Variants in PAX5 observed in about 807,000 individuals in gnomAD.
The protein encoded by PAX5 is paired box 5.
A neutral mutation model predicts 43.7 loss-of-function variants in PAX5; 9 were observed. The ratio of observed to expected loss-of-function variants is 0.21; its 90% CI spans 0.12 to 0.36. The LOEUF (loss-of-function observed/expected upper bound fraction) is 0.36, where lower values mean the gene tolerates loss of function less well. PAX5 is among the 10% of genes least tolerant of loss of function. The pLI, the probability that PAX5 is intolerant of heterozygous loss-of-function variation, is 1.00. For missense variants in PAX5, 383 were observed against 532.7 expected (o/e 0.72, Z 2.77); for synonymous variants, 228 against 214.3 (o/e 1.06, Z -0.56).
chr9:37,025,267 A>G (rs1840225402), intron 1 of PAX5, among the ~76,000 whole-genome samples: 1 of 152,212 alleles, frequency 6.6e-6, no homozygotes, highest in East Asian at 1.9e-4. Flanking sequence ...GGCTGCCTAC[A>G]CAAGCTTTCC....
intron 7 of PAX5, among the ~76,000 whole-genome samples, chr9:36,890,798 GCAC>G (rs1827316583): frequency 6.6e-6 from 1 of 152,140 alleles, no homozygotes; most frequent in Non-Finnish European, 1.5e-5. Flanking sequence ...TAAGCATAAG[GCAC>G]TTACAGAAGG....
intron 6 of PAX5, among the ~76,000 whole-genome samples, chr9:36,961,381 C>T (rs900947779): frequency 5.3e-4 from 80 of 152,336 alleles, no homozygotes; most frequent in African/African-American, 1.8e-3. Context: ...AGCACATCCC[C>T]TTCCCCAGCT....
intron 6 of PAX5, among the ~76,000 whole-genome samples, chr9:36,963,616 G>A (rs564950403): frequency 6.6e-6 from 1 of 152,306 alleles, no homozygotes; most frequent in Non-Finnish European, 1.5e-5. Context: ...ATGTGAGCAG[G>A]TGAGTGAGTG....
At chr9:36,978,938 A>T (rs958963392) in intron 5 of PAX5, among the ~76,000 whole-genome samples, 2 of 152,116 alleles carry the variant, frequency 1.3e-5, no homozygotes, top group Admixed American at 1.3e-4. Flanking sequence ...ATGATCTTCA[A>T]CCTCTATTGA....
chr9:36,895,811 GC>G (rs1415705576), intron 7 of PAX5, among the ~76,000 whole-genome samples: 3 of 152,274 alleles, frequency 2.0e-5, no homozygotes, highest in South Asian at 2.1e-4. Context: ...GTTCCACTGG[GC>G]AAAAAGCCCC....
intron 6 of PAX5, among the ~76,000 whole-genome samples, chr9:36,947,911 C>T (rs1832684321): frequency 6.6e-6 from 1 of 152,074 alleles, no homozygotes; most frequent in East Asian, 1.9e-4. Flanking sequence ...CCTCCCCACA[C>T]ACTCTCTGTG....
intron 4 of PAX5, among the ~76,000 whole-genome samples, chr9:37,003,146 T>C (rs1838065151): frequency 9.7e-6 from 1 of 103,448 alleles, no homozygotes; most frequent in African/African-American, 3.9e-5. Context: ...CCACCAACAG[T>C]CAGTGCTTAA....
chr9:37,005,173 T>C (rs1252655844), intron 4 of PAX5, among the ~76,000 whole-genome samples: 1 of 152,212 alleles, frequency 6.6e-6, no homozygotes, highest in East Asian at 1.9e-4. Flanking sequence ...CTCTTCACCC[T>C]AGCCCAGCAG....
At position 36,834,464 on chromosome 9, in the gene PAX5, G is replaced by A. The variant is rs536043004; in HGVS notation, c.*6096C>T. ...TGTGTGTGTGTGTGTTTACATGCTCGTGCACCTTATGGAGGGGAAGGCCAG... is the reference window on the plus strand; with the variant it reads ...TGTGTGTGTGTGTGTTTACATGCTCATGCACCTTATGGAGGGGAAGGCCAG... On this transcript the variant is annotated 3_prime_UTR_variant, in exon 10 of 10. Coordinates refer to ENST00000358127, the MANE Select transcript of PAX5 (RefSeq NM_016734.3). 6.5e-5 allele frequency: 15 copies of A among 232,106 alleles called. 1 individual carries two copies. The highest frequency in any genetic ancestry group is 1.0e-4 in the Non-Finnish European group (12 of 117,844). 14.4% of individuals were successfully genotyped at this position (232,106 alleles called of 1,614,324 possible).
intron 6 of PAX5, among the ~76,000 whole-genome samples, chr9:36,965,464 C>T (rs985007798): frequency 1.3e-5 from 2 of 152,212 alleles, no homozygotes; most frequent in Admixed American, 6.5e-5. Flanking sequence ...TCTGTAAGAG[C>T]TCTCATAGAA....
chr9:36,915,069 T>A (rs902064788), intron 7 of PAX5, among the ~76,000 whole-genome samples: 2 of 152,264 alleles, frequency 1.3e-5, no homozygotes, highest in Non-Finnish European at 2.9e-5. Context: ...TGATGGATGT[T>A]GCGTTGTCTG....
chr9:36,972,756 G>A (rs116134904), intron 5 of PAX5, among the ~76,000 whole-genome samples: 2,112 of 152,274 alleles, frequency 0.014, 47 homozygotes, highest in African/African-American at 0.049. Context: ...GGCTGGGCAC[G>A]GTGGCTTATG....
intron 6 of PAX5, among the ~76,000 whole-genome samples, chr9:36,947,958 C>T (rs933789060): frequency 6.6e-6 from 1 of 152,102 alleles, no homozygotes; most frequent in East Asian, 1.9e-4. Flanking sequence ...AAGGCAGAGC[C>T]GTGTCTATAT....
intron 9 of PAX5, among the ~76,000 whole-genome samples, chr9:36,846,504 T>C (rs990011412): frequency 6.6e-6 from 1 of 152,240 alleles, no homozygotes; most frequent in African/African-American, 2.4e-5. Context: ...CGCCTGAATA[T>C]GTCATTATGC....
intron 8 of PAX5, among the ~76,000 whole-genome samples, chr9:36,869,854 G>A (rs1587822260): frequency 6.7e-6 from 1 of 149,440 alleles, no homozygotes; most frequent in Non-Finnish European, 1.5e-5. Context: ...ATAAATGGAT[G>A]GATGGATGGA....
chr9:36,974,685 A>G (rs931761964), intron 5 of PAX5, among the ~76,000 whole-genome samples: 3 of 152,194 alleles, frequency 2.0e-5, no homozygotes, highest in African/African-American at 7.2e-5. Flanking sequence ...TGGGGCTTTT[A>G]TAAGGATTAA....
At chr9:37,033,648 C>G (rs1321867695) in intron 1 of PAX5, among the ~76,000 whole-genome samples, 1 of 151,696 alleles carries the variant, frequency 6.6e-6, no homozygotes, top group Non-Finnish European at 1.5e-5. Context: ...CTTTTGGACA[C>G]AAACTCATAT....
intron 7 of PAX5, among the ~76,000 whole-genome samples, chr9:36,884,767 A>T (rs1465931066): frequency 6.6e-6 from 1 of 152,220 alleles, no homozygotes; most frequent in Admixed American, 6.5e-5. Flanking sequence ...CCTAGAACCA[A>T]TGGAAAATTT....
chr9:36,953,463 T>C (rs1833180149), intron 6 of PAX5, among the ~76,000 whole-genome samples: 1 of 152,170 alleles, frequency 6.6e-6, no homozygotes, highest in Non-Finnish European at 1.5e-5. Context: ...ATAAATATGC[T>C]ATGCCTCTTA....
Sources: allele counts gnomAD v4.1 joint callset (sites outside exome capture counted in the v4.1 genomes callset), GRCh38; gene constraint gnomAD v4.1.1; transcripts MANE v1.5; gene names NCBI Gene and HGNC (gene_info 2026-07-23, HGNC 2026-07-21).